TRIM67: variants seen among roughly 807,000 people sequenced by gnomAD.
TRIM67 encodes the protein tripartite motif-containing protein 67.
A neutral mutation model predicts 71.0 loss-of-function variants in TRIM67; 39 were observed. That is an observed-to-expected ratio of 0.55 (90% CI 0.43 to 0.72). The LOEUF is 0.72. Ranked by LOEUF, TRIM67 falls within the 30% of genes least tolerant of loss-of-function variation. The pLI, the probability that TRIM67 is intolerant of heterozygous loss-of-function variation, is 0.00. For missense variants in TRIM67, 973 were observed against 1,079.2 expected, an observed-to-expected ratio of 0.90 and a Z score of 1.38; for synonymous variants, 481 against 473.9, an observed-to-expected ratio of 1.01 and a Z score of -0.19.
Position 231,163,009 on chromosome 1 carries a change from T to C in TRIM67, c.40T>C (p.Phe14Leu). The C allele has an allele frequency of 6.2e-7, 1 of 1,612,796 alleles. No homozygotes were observed. Among genetic ancestry groups the C allele is most frequent in the Non-Finnish European group, 8.5e-7 (1 of 1,179,394 alleles). Residue 14 changes from phenylalanine to leucine, a missense_variant, in exon 1 of 10, where the codon TTT becomes CTT. Physicochemically the swap from Phe to Leu is conservative, Grantham distance 22 (BLOSUM62 0). This residue lies in a region of TRIM67 where 795 missense variants were observed against 831.3 expected (regional missense o/e 0.96). Coordinates refer to ENST00000366653, the MANE Select transcript of TRIM67 (RefSeq NM_001004342.5). ...ELKCPVCGSL[F>L]REPIILPCSH... Reference sequence around the variant, plus strand: ...GAAGTGTCCCGTGTGCGGCTCTCTGTTTCGGGAGCCTATCATCCTGCCCTG... The same window carrying C: ...GAAGTGTCCCGTGTGCGGCTCTCTGCTTCGGGAGCCTATCATCCTGCCCTG...
chr1:231,189,548 C>G (rs1683178189), intron 1 of TRIM67, among the ~76,000 whole-genome samples: 1 of 152,070 alleles, frequency 6.6e-6, no homozygotes, highest in African/African-American at 2.4e-5. Context: ...TAACAAAATA[C>G]CATAGACAGG....
At position 231,162,463 on chromosome 1, in the gene TRIM67, G is replaced by T. The variant is rs1454791666; in HGVS notation, c.-507G>T. The T allele has an allele frequency of 6.4e-6, 1 of 155,542 alleles. No individual in the cohort carries two copies. The highest frequency in any genetic ancestry group is 2.4e-5 in the African/African-American group (1 of 41,494). The allele number at this position is 155,542 out of a possible 1,614,324, so 9.6% of individuals were successfully genotyped here. On this transcript the variant is annotated 5_prime_UTR_variant, in exon 1 of 10. Coordinates refer to ENST00000366653, the MANE Select transcript of TRIM67 (RefSeq NM_001004342.5). ...CTGATCCCAGCCCCACGGCTGAGCG[G>T]CCTTCGCACCTGCCTGTCTCACCTC...
Position 231,213,992 on chromosome 1 carries a change from A to T in TRIM67, c.2286+15A>T, listed in dbSNP as rs757038549. The T allele has an allele frequency of 3.1e-6, 5 of 1,599,296 alleles. No homozygotes were observed. Among genetic ancestry groups the T allele is most frequent in the Non-Finnish European group, 4.3e-6 (5 of 1,171,808 alleles). On this transcript the variant is annotated intron_variant, in intron 9 of 9. Transcript: ENST00000366653. ...GCAACGTGCAGGTACACACCTCCCC[A>T]GGGCCGGACCTGGTCTGGCTGCTCC...
intron 1 of TRIM67, among the ~76,000 whole-genome samples, chr1:231,178,197 A>G (rs1388159411): frequency 6.6e-6 from 1 of 152,226 alleles, no homozygotes; most frequent in Non-Finnish European, 1.5e-5. Flanking sequence ...AAATGTTGGC[A>G]TGACTTTTCC....
chr1:231,176,307 A>G (rs1682746660), intron 1 of TRIM67, among the ~76,000 whole-genome samples: 1 of 152,200 alleles, frequency 6.6e-6, no homozygotes, highest in South Asian at 2.1e-4. Flanking sequence ...GAAAAGTGGA[A>G]TAAGTGCCCT....
chr1:231,163,326 C>T lies in TRIM67; in HGVS notation c.357C>T (p.Leu119=). 2 of 1,523,954 alleles carry T rather than the reference C, an allele frequency of 1.3e-6. No homozygotes were observed. The highest frequency in any genetic ancestry group is 1.8e-6 in the Non-Finnish European group (2 of 1,134,618). 94.4% of individuals were successfully genotyped at this position (1,523,954 alleles called of 1,614,324 possible). A position where few individuals can be genotyped will look rare whatever the true frequency, so the allele number is the denominator to read the frequency against. Residue 119 remains leucine (L), a synonymous_variant, in exon 1 of 10, where the codon CTC becomes CTT. Coordinates refer to ENST00000366653, the MANE Select transcript of TRIM67 (RefSeq NM_001004342.5). ...GCTACGGGTCCTACACCCCGAGCCT[C>T]AAGTCCCCCAACGGGGTTCGCGTGC... ...DSGYGSYTPS[L]KSPNGVRVLP...
intron 1 of TRIM67, among the ~76,000 whole-genome samples, chr1:231,181,752 T>A (rs376109788): frequency 6.6e-6 from 1 of 152,180 alleles, no homozygotes; most frequent in African/African-American, 2.4e-5. Context: ...ATTCCCACCA[T>A]ACATTCAACT....
Position 231,220,038 on chromosome 1 carries a change from T to G in TRIM67, c.*4598T>G. ...TCAGTATCCCCACCTGAAATGAGAC[T>G]AGTCATACTAACCTACCTCCTCTGA... is the stretch of plus-strand genomic sequence containing the variant. On this transcript the variant is annotated 3_prime_UTR_variant, in exon 10 of 10. Coordinates refer to ENST00000366653, the MANE Select transcript of TRIM67 (RefSeq NM_001004342.5). 9.7e-7 allele frequency: 1 copy of G among 1,034,318 alleles called. No individual in the cohort carries two copies. Among genetic ancestry groups the G allele is most frequent in the South Asian group, 1.3e-5 (1 of 76,106 alleles). The allele number at this position is 1,034,318 out of a possible 1,614,324, so 64.1% of individuals were successfully genotyped here. A position where few individuals can be genotyped will look rare whatever the true frequency, so the allele number is the denominator to read the frequency against.
chr1:231,202,127 G>GGAGGTGGAAAAGGAGGAGGTGGTGGCT (rs1558304055), intron 5 of TRIM67, among the ~76,000 whole-genome samples: 1 of 23,050 alleles, frequency 4.3e-5, no homozygotes, highest in African/African-American at 2.2e-4. Flanking sequence ...TGGTGGAGGA[G>GGAGGTGGAAAAGGAGGAGGTGGTGGCT]GAGATGGAGG....
rs1433874653 is a variant in TRIM67 at position 231,163,641 on chromosome 1, G to C, written c.672G>C (p.Glu224Asp). ...TPPEPAATLCEQCDVLYCSAC... is the reference protein window; with the variant it reads ...TPPEPAATLCDQCDVLYCSAC... ...CAGAGCCAGCAGCCACGCTCTGCGA[G>C]CAGTGCGACGTCCTCTACTGCTCTG... The change falls in exon 1 of 10, where the codon GAG becomes GAC. Residue 224 changes from glutamate to aspartate, a missense_variant. By Grantham distance (45) the Glu-to-Asp change is conservative. This residue lies in a region of TRIM67 where 795 missense variants were observed against 831.3 expected (regional missense o/e 0.96). Transcript: ENST00000366653. 1 of 1,524,602 alleles carries C rather than the reference G, an allele frequency of 6.6e-7. No homozygotes were observed. The highest frequency in any genetic ancestry group is 2.0e-5 in the Admixed American group (1 of 49,200). 94.4% of individuals were successfully genotyped at this position (1,524,602 alleles called of 1,614,324 possible).
rs150481992 is a variant in TRIM67 at position 231,199,032 on chromosome 1, C to A, written c.1141-15C>A. 23 of 1,613,714 alleles carry A rather than the reference C, an allele frequency of 1.4e-5. No individual in the cohort carries two copies. The highest frequency in any genetic ancestry group is 1.7e-5 in the Non-Finnish European group (20 of 1,179,820). On this transcript the variant is annotated splice_polypyrimidine_tract_variant and intron_variant, in intron 2 of 9. Coordinates refer to ENST00000366653, the MANE Select transcript of TRIM67 (RefSeq NM_001004342.5). ...ACTCTTTGCTTCTTCCCAACCAACC[C>A]CCAACCTCTGCCAGGAAAACGGACT...
At chr1:231,207,027 C>G (rs1683722385) in intron 7 of TRIM67, among the ~76,000 whole-genome samples, 1 of 152,100 alleles carries the variant, frequency 6.6e-6, no homozygotes. Context: ...GGATGAGCTG[C>G]TGAAGATGGG....
chr1:231,177,396 C>T (rs1362268877), intron 1 of TRIM67, among the ~76,000 whole-genome samples: 2 of 152,142 alleles, frequency 1.3e-5, no homozygotes, highest in African/African-American at 2.4e-5. Flanking sequence ...GTTTGGTTGC[C>T]GGGCGATGAG....
intron 1 of TRIM67, among the ~76,000 whole-genome samples, chr1:231,187,192 A>C (rs2102734651): frequency 6.6e-6 from 1 of 152,302 alleles, no homozygotes; most frequent in Middle Eastern, 3.4e-3. Flanking sequence ...ACATTTAAGC[A>C]ACAAGGGGCA....
intron 1 of TRIM67, among the ~76,000 whole-genome samples, chr1:231,169,931 C>T (rs1682579586): frequency 6.6e-6 from 1 of 151,988 alleles, no homozygotes; most frequent in African/African-American, 2.4e-5. Context: ...GATTTAATTC[C>T]AAGTAGGTTG....
chr1:231,197,569 T>A, intron 2 of TRIM67, 103 bp downstream of exon 2: 1 of 1,050,050 alleles, frequency 9.5e-7, no homozygotes, highest in Non-Finnish European at 1.4e-6. Context: ...CTCACACCTG[T>A]AATCCCAACA....
intron 1 of TRIM67, among the ~76,000 whole-genome samples, chr1:231,178,918 G>A (rs1057385407): frequency 2.6e-5 from 4 of 152,148 alleles, no homozygotes; most frequent in African/African-American, 9.7e-5. Context: ...AATTTGGCCT[G>A]CTTCCCTTGT....
At chr1:231,175,782 T>A (rs1451067197) in intron 1 of TRIM67, among the ~76,000 whole-genome samples, 1 of 152,192 alleles carries the variant, frequency 6.6e-6, no homozygotes, top group African/African-American at 2.4e-5. Flanking sequence ...CATGGAAAAT[T>A]ATCTTCCACC....
At chr1:231,202,761 C>T (rs972116960) in intron 5 of TRIM67, among the ~76,000 whole-genome samples, 1 of 152,210 alleles carries the variant, frequency 6.6e-6, no homozygotes, top group African/African-American at 2.4e-5. Flanking sequence ...CTGGAAAGGC[C>T]ATTTGCCCCA....
Sources: allele counts gnomAD v4.1 joint callset (sites outside exome capture counted in the v4.1 genomes callset), GRCh38; gene constraint gnomAD v4.1.1; regional missense constraint gnomAD v4.1.1; transcripts MANE v1.5; gene names NCBI Gene and HGNC (gene_info 2026-07-23, HGNC 2026-07-21).